Variants in TAF6 observed in about 807,000 individuals in gnomAD.
TAF6 encodes the protein transcription initiation factor TFIID subunit 6.
TAF6 carries 50 observed loss-of-function variants against 73.5 expected under a neutral mutation model. The ratio of observed to expected loss-of-function variants is 0.68; its 90% confidence interval spans 0.54 to 0.86. The LOEUF (loss-of-function observed/expected upper bound fraction) is 0.86, where lower values mean the gene tolerates loss of function less well. TAF6 is among the 40% of genes least tolerant of loss of function. The pLI, the probability that TAF6 is intolerant of heterozygous loss-of-function variation, is 0.00. For missense variants in TAF6, 768 were observed against 899.5 expected (o/e 0.85, Z 1.87); for synonymous variants, 424 against 376.7 (o/e 1.13, Z -1.45).
chr7:100,125,796 CA>C, the TAF6 span, among the ~76,000 whole-genome samples: 1 of 152,192 alleles, frequency 6.6e-6, no homozygotes, highest in Non-Finnish European at 1.5e-5. Flanking sequence ...GTAATCCTAG[CA>C]CTTTGGGAGG....
upstream of TAF6, chr7:100,122,737 G>T: frequency 6.3e-7 from 1 of 1,586,572 alleles, no homozygotes. Context: ...GGGGAAGGGA[G>T]GGGTGGGGTG....
upstream of TAF6, chr7:100,122,605 C>G (rs769142797): frequency 1.1e-5 from 17 of 1,564,012 alleles, no homozygotes; most frequent in Non-Finnish European, 1.5e-5. Context: ...GGCAGGACCC[C>G]ACTTCTCAGA....
At chr7:100,112,026 T>G (rs768172277) in intron 7 of TAF6, 27 bp from the exon 8 acceptor site, 1 of 1,609,410 alleles carries the variant, frequency 6.2e-7, no homozygotes, top group Non-Finnish European at 8.5e-7. Flanking sequence ...GCCAGTCAGG[T>G]GGGGGTGGGA....
At chr7:100,124,789 G>A, upstream of TAF6, 1 of 1,613,244 alleles carries the variant, frequency 6.2e-7, no homozygotes, top group Non-Finnish European at 8.5e-7. Flanking sequence ...CAGAAGGGGA[G>A]GAAGAGCAGG....
At chr7:100,110,356 C>A (rs1160767195) in intron 10 of TAF6, 82 bp from the exon 11 acceptor site, 6 of 1,469,160 alleles carry the variant, frequency 4.1e-6, no homozygotes. Context: ...TAGACACTTT[C>A]CTTGTAAATC....
At chr7:100,122,563 C>T (rs1292485210), upstream of TAF6, 23 of 1,609,708 alleles carry the variant, frequency 1.4e-5, no homozygotes, top group Non-Finnish European at 2.0e-5. Context: ...CAAGGGCTCA[C>T]TGAGATATGC....
upstream of TAF6, chr7:100,119,595 G>T: frequency 6.6e-7 from 1 of 1,507,158 alleles, no homozygotes; most frequent in Non-Finnish European, 8.9e-7. Context: ...TAGCAACGAG[G>T]CCCCACCCTT....
intron 1 of TAF6, among the ~76,000 whole-genome samples, chr7:100,114,793 T>C (rs972093764): frequency 3.3e-5 from 5 of 151,108 alleles, no homozygotes; most frequent in Non-Finnish European, 2.9e-5. Flanking sequence ...GGTAGGAGGA[T>C]CGCTTGAGCC....
chr7:100,108,530 G>T lies in TAF6; in HGVS notation c.1295C>A (p.Ala432Asp), dbSNP rs1212119899. Reference protein sequence around the residue: ...HVQSLLLKHCAPVLAKLRPPP... With the variant: ...HVQSLLLKHCDPVLAKLRPPP... ...TGGGCGCAGCTTTGCCAGAACAGGA[G>T]CACAGTGTTTCTGCAGAACAGAAAA... is the stretch of plus-strand genomic sequence containing the variant. The change falls in exon 13 of 15, where the codon GCT becomes GAT. Residue 432 changes from alanine (A) to aspartate (D), a missense_variant. By Grantham distance (126) the Ala-to-Asp change is moderately radical (BLOSUM62 -2). This residue lies in a region of TAF6 where 350 missense variants were observed against 352.3 expected (regional missense o/e 0.99). Transcript: ENST00000453269. The T allele has an allele frequency of 1.9e-6, 3 of 1,608,214 alleles. No homozygotes were observed. Among genetic ancestry groups the T allele is most frequent in the South Asian group, 1.1e-5 (1 of 90,906 alleles).
intron 1 of TAF6, among the ~76,000 whole-genome samples, chr7:100,118,147 T>C (rs1424457791): frequency 6.7e-6 from 1 of 149,386 alleles, no homozygotes; most frequent in Non-Finnish European, 1.5e-5. Flanking sequence ...AGGTTAGGAG[T>C]TCGAGACCAC....
upstream of TAF6, chr7:100,124,469 A>G: frequency 6.8e-7 from 1 of 1,461,550 alleles, no homozygotes; most frequent in Non-Finnish European, 9.6e-7. Flanking sequence ...CGGGATCCCA[A>G]ATCCCTCCAG....
At chr7:100,123,762 C>T (rs1463382719), upstream of TAF6, among the ~76,000 whole-genome samples, 3 of 152,182 alleles carry the variant, frequency 2.0e-5, no homozygotes, top group Admixed American at 2.0e-4. Flanking sequence ...TCAGGTGATC[C>T]ACCCGCCTTG....
chr7:100,118,171 G>A lies in TAF6; in HGVS notation c.-60+1033C>T, dbSNP rs367859387. Among the ~76,000 whole-genome samples the A allele has an allele frequency of 1.2e-4, 19 of 152,230 alleles. No homozygotes were observed. In the East Asian group the frequency reaches 2.1e-3, roughly 17 times the overall value. On this transcript the variant is annotated intron_variant, in intron 1 of 14. Coordinates refer to ENST00000453269, the MANE Select transcript of TAF6 (RefSeq NM_139315.3). ...GTTCGAGACCACCCTGGCCAACATG[G>A]TGAAACCCTGTCTTTTTGTAAAAAC...
upstream of TAF6, chr7:100,124,605 G>T: frequency 6.2e-7 from 1 of 1,613,322 alleles, no homozygotes; most frequent in Non-Finnish European, 8.5e-7. Flanking sequence ...CTCTGTGAAG[G>T]TCATGTGCTC....
intron 12 of TAF6, 140 bp downstream of exon 12, chr7:100,109,808 C>T: frequency 7.6e-7 from 1 of 1,315,560 alleles, no homozygotes; most frequent in Non-Finnish European, 1.0e-6. Context: ...GTCTTTCCAT[C>T]TGTAAAATAG....
At chr7:100,115,689 C>G (rs1172674849) in intron 1 of TAF6, 1 of 150,988 alleles carries the variant, frequency 6.6e-6, no homozygotes, top group Non-Finnish European at 1.5e-5. Context: ...AAAAATAAAT[C>G]CGGTCGGGCG....
intron 1 of TAF6, chr7:100,118,749 G>T: frequency 2.1e-6 from 1 of 472,322 alleles, no homozygotes; most frequent in African/African-American, 2.1e-5. Context: ...AGTACAGGTA[G>T]GGTGGGGCCG....
At chr7:100,114,027 T>G (rs1296480836) in intron 2 of TAF6, 27 bp downstream of exon 2, 1 of 1,614,050 alleles carries the variant, frequency 6.2e-7, no homozygotes. Context: ...GGACCCAATG[T>G]AGAGCTGGAC....
chr7:100,125,955 G>C, the TAF6 span, among the ~76,000 whole-genome samples: 1 of 152,228 alleles, frequency 6.6e-6, no homozygotes, highest in African/African-American at 2.4e-5. Context: ...GGGAGGCCAA[G>C]GCGGGTGGAT....
Sources: gnomAD v4.1 joint callset for allele counts (sites outside exome capture counted in the v4.1 genomes callset) on GRCh38, gnomAD v4.1.1 for gene constraint, gnomAD v4.1.1 regional missense constraint, MANE v1.5 for transcripts, NCBI Gene and HGNC (gene_info 2026-07-23, HGNC 2026-07-21) for gene names.